Variants in CSNK1G1 observed in about 807,000 individuals in gnomAD.
CSNK1G1 encodes casein kinase 1 gamma 1.
Under a neutral mutation model 59.6 loss-of-function variants are expected in CSNK1G1, and 22 were observed. The ratio of observed to expected loss-of-function variants is 0.37; its 90% confidence interval spans 0.26 to 0.53. The LOEUF is 0.53. Ranked by LOEUF, CSNK1G1 falls within the 20% of genes least tolerant of loss-of-function variation. The pLI is 0.89. For missense variants in CSNK1G1, 384 were observed against 519.5 expected (o/e 0.74, Z 2.54); for synonymous variants, 179 against 177.1 (o/e 1.01, Z -0.08).
rs762866711 is a variant in CSNK1G1 at position 64,225,936 on chromosome 15, C to T, written c.293-9223G>A. Among the ~76,000 whole-genome samples, 33 of 152,174 alleles carry T rather than the reference C, an allele frequency of 2.2e-4. 1 individual carries two copies. The highest frequency in any genetic ancestry group is 4.3e-4 in the Non-Finnish European group (29 of 68,034). ...GACACTGCTCCCGGCTTACCATATT[C>T]TTTTAATTCAATAAAAACCCCAAGG... On this transcript the variant is annotated intron_variant, in intron 4 of 11. Transcript: ENST00000303052.
chr15:64,178,161 A>G (rs1013617975), intron 11 of CSNK1G1, among the ~76,000 whole-genome samples: 2 of 152,220 alleles, frequency 1.3e-5, no homozygotes, highest in Non-Finnish European at 2.9e-5. Context: ...CAGCCAGTTG[A>G]GAGCCCAGAG....
chr15:64,191,839 C>T (rs1172180224), intron 10 of CSNK1G1, among the ~76,000 whole-genome samples: 1 of 152,114 alleles, frequency 6.6e-6, no homozygotes, highest in Non-Finnish European at 1.5e-5. Flanking sequence ...CTAGGGGTTG[C>T]GGGTTTATTA....
chr15:64,299,547 G>A (rs149518800), intron 2 of CSNK1G1, among the ~76,000 whole-genome samples: 6,618 of 151,198 alleles, frequency 0.044, 158 homozygotes, highest in South Asian at 0.078. Context: ...AGCCGAGATC[G>A]CGCCACTGCA....
intron 11 of CSNK1G1, among the ~76,000 whole-genome samples, chr15:64,175,743 C>T (rs2081733879): frequency 6.6e-6 from 1 of 152,186 alleles, no homozygotes; most frequent in Admixed American, 6.5e-5. Flanking sequence ...GAAGGAGCTC[C>T]CCCTTTTTTG....
intron 1 of CSNK1G1, among the ~76,000 whole-genome samples, chr15:64,347,802 T>TC (rs1898060177): frequency 6.6e-6 from 1 of 151,618 alleles, no homozygotes. Flanking sequence ...GGTCAGGAGA[T>TC]CGAGACCATC....
At chr15:64,305,111 C>T (rs1232676459) in intron 1 of CSNK1G1, among the ~76,000 whole-genome samples, 2 of 151,992 alleles carry the variant, frequency 1.3e-5, no homozygotes, top group African/African-American at 4.8e-5. Context: ...TAAGAAACAC[C>T]CCAACAAATT....
At chr15:64,340,054 A>G (rs1566953722) in intron 1 of CSNK1G1, among the ~76,000 whole-genome samples, 1 of 152,160 alleles carries the variant, frequency 6.6e-6, no homozygotes, top group African/African-American at 2.4e-5. Context: ...GTTCTTTTAA[A>G]TTTCCAAACA....
At chr15:64,334,728 G>A (rs1398365689) in intron 1 of CSNK1G1, among the ~76,000 whole-genome samples, 1 of 152,182 alleles carries the variant, frequency 6.6e-6, no homozygotes, top group Admixed American at 6.5e-5. Flanking sequence ...CGCTCGGGCA[G>A]TAATGCAAGT....
chr15:64,327,649 C>G (rs980930229), intron 1 of CSNK1G1, among the ~76,000 whole-genome samples: 1 of 151,858 alleles, frequency 6.6e-6, no homozygotes, highest in African/African-American at 2.4e-5. Context: ...AGTTCCTCAC[C>G]AGCAACGGAA....
intron 10 of CSNK1G1, chr15:64,181,220 C>A: frequency 6.5e-7 from 1 of 1,534,852 alleles, no homozygotes; most frequent in Non-Finnish European, 8.7e-7. Flanking sequence ...ACTGCCATCC[C>A]AGTTCTCACT....
At chr15:64,189,557 T>C (rs542689851) in intron 10 of CSNK1G1, 31 of 932,456 alleles carry the variant, frequency 3.3e-5, no homozygotes, top group African/African-American at 2.1e-4. Context: ...GCTGCTGATA[T>C]AAACAGCTGC....
At chr15:64,290,105 G>A (rs1894655135) in intron 2 of CSNK1G1, among the ~76,000 whole-genome samples, 1 of 152,132 alleles carries the variant, frequency 6.6e-6, no homozygotes, top group South Asian at 2.1e-4. Context: ...CTTATACACT[G>A]TTGGCGGGAA....
intron 1 of CSNK1G1, among the ~76,000 whole-genome samples, chr15:64,341,926 T>C (rs755156977): frequency 4.6e-5 from 7 of 152,204 alleles, no homozygotes; most frequent in Non-Finnish European, 7.3e-5. Flanking sequence ...AACTCAACTA[T>C]TGAAAGTTAC....
intron 1 of CSNK1G1, among the ~76,000 whole-genome samples, chr15:64,319,330 C>G (rs1247477432): frequency 6.6e-6 from 1 of 152,036 alleles, no homozygotes; most frequent in Non-Finnish European, 1.5e-5. Flanking sequence ...ATTTGATTTT[C>G]TTGTCAAATT....
At chr15:64,273,407 T>A (rs1893433719) in intron 2 of CSNK1G1, among the ~76,000 whole-genome samples, 1 of 152,192 alleles carries the variant, frequency 6.6e-6, no homozygotes, top group Admixed American at 6.5e-5. Flanking sequence ...AAAGAATAAC[T>A]ATTTCACAGA....
intron 1 of CSNK1G1, among the ~76,000 whole-genome samples, chr15:64,318,978 G>A (rs977252961): frequency 1.3e-5 from 2 of 151,748 alleles, no homozygotes; most frequent in African/African-American, 4.8e-5. Flanking sequence ...AGTCTCCTGA[G>A]TAGCTGGAAC....
intron 2 of CSNK1G1, among the ~76,000 whole-genome samples, chr15:64,268,850 C>G (rs2140345185): frequency 6.6e-6 from 1 of 152,194 alleles, no homozygotes; most frequent in East Asian, 1.9e-4. Flanking sequence ...TGGAAAAATG[C>G]ATGAATACAA....
At position 64,307,647 on chromosome 15, in the gene CSNK1G1, CG is replaced by C. The variant is rs751951627; in HGVS notation, c.-224-6925del. Among the ~76,000 whole-genome samples, 81 of 152,138 alleles carry C rather than the reference CG, an allele frequency of 5.3e-4. 1 individual carries two copies. The highest frequency in any genetic ancestry group is 2.8e-3 in the Admixed American group (43 of 15,274). The stretch of plus-strand genomic sequence containing the variant: ...TACATTTTAGTAGTACACTAAAGTA[CG>C]GGGACTTATGAAACATCTTGTCAGC... On this transcript the variant is annotated intron_variant, in intron 1 of 11. Transcript: ENST00000303052.
intron 10 of CSNK1G1, among the ~76,000 whole-genome samples, chr15:64,184,274 G>A (rs1251935426): frequency 2.6e-5 from 4 of 152,040 alleles, no homozygotes; most frequent in Non-Finnish European, 5.9e-5. Context: ...CTGCACTCCA[G>A]CCTGGGTGAC....
Sources: allele counts gnomAD v4.1 joint callset (sites outside exome capture counted in the v4.1 genomes callset), GRCh38; gene constraint gnomAD v4.1.1; transcripts MANE v1.5; gene names NCBI Gene and HGNC (gene_info 2026-07-23, HGNC 2026-07-21).